Variants in PIP5K1A observed in about 807,000 individuals in gnomAD.
The protein encoded by PIP5K1A is phosphatidylinositol 4-phosphate 5-kinase type-1 alpha.
PIP5K1A carries 46 observed loss-of-function variants against 72.9 expected under a neutral mutation model. The observed-to-expected ratio is 0.63, with a 90% CI of 0.50 to 0.81. The LOEUF (loss-of-function observed/expected upper bound fraction) is 0.81, where lower values mean the gene tolerates loss of function less well. PIP5K1A is among the 30% of genes least tolerant of loss of function. The pLI is 0.00. For synonymous variants in PIP5K1A, 228 were observed against 255.1 expected (o/e 0.89, Z 1.01); for missense variants, 458 against 706.1 (o/e 0.65, Z 3.98).
rs758507757 is a variant in PIP5K1A, at chr1:151,199,100, G to A, written c.85+19G>A. On this transcript the variant is annotated intron_variant, in intron 1 of 15. Coordinates refer to ENST00000368888, the MANE Select transcript of PIP5K1A (RefSeq NM_001135638.2). ...TCCTCAGGTAAGCCCGGCAGGGCGT[G>A]GGTAGGGAGCTGGTGAGGAATATGC... The A allele has an allele frequency of 6.2e-7, 1 of 1,613,970 alleles. No individual in the cohort carries two copies. The highest frequency in any genetic ancestry group is 1.3e-5 in the African/African-American group (1 of 75,072).
chr1:151,238,409 G>C (rs777267549), intron 10 of PIP5K1A, 144 bp downstream of exon 10: 581 of 644,792 alleles, frequency 9.0e-4, no homozygotes, highest in Non-Finnish European at 1.3e-3. Context: ...TTAGTTTTCA[G>C]ATGGTTTATT....
chr1:151,236,992 TA>T (rs1690987341), intron 9 of PIP5K1A, among the ~76,000 whole-genome samples: 1 of 152,074 alleles, frequency 6.6e-6, no homozygotes, highest in Non-Finnish European at 1.5e-5. Flanking sequence ...CACACCCAGC[TA>T]ATTTTTTGTA....
intron 1 of PIP5K1A, among the ~76,000 whole-genome samples, chr1:151,221,240 T>A (rs1233035401): frequency 1.2e-4 from 19 of 152,172 alleles, no homozygotes; most frequent in Non-Finnish European, 2.4e-4. Context: ...TCTAAAAATA[T>A]ATCAGCATTG....
intron 7 of PIP5K1A, among the ~76,000 whole-genome samples, 193 bp from the exon 8 acceptor site, chr1:151,234,004 G>A (rs1690507254): frequency 6.6e-6 from 1 of 152,138 alleles, no homozygotes; most frequent in South Asian, 2.1e-4. Context: ...CTGTGGCACA[G>A]CTTGATGGTG....
intron 1 of PIP5K1A, among the ~76,000 whole-genome samples, chr1:151,218,927 A>G (rs1278183718): frequency 6.6e-6 from 1 of 151,532 alleles, no homozygotes; most frequent in East Asian, 1.9e-4. Flanking sequence ...TTTGCCTGTC[A>G]CTGCCTATGC....
intron 14 of PIP5K1A, among the ~76,000 whole-genome samples, chr1:151,243,682 CT>C (rs2101682308): frequency 6.6e-6 from 1 of 152,188 alleles, no homozygotes; most frequent in South Asian, 2.1e-4. Context: ...TACCTGAGTT[CT>C]TTTCTCAGGC....
intron 1 of PIP5K1A, among the ~76,000 whole-genome samples, chr1:151,210,933 C>T (rs1378621775): frequency 6.6e-6 from 1 of 152,112 alleles, no homozygotes; most frequent in African/African-American, 2.4e-5. Context: ...TTAAATTGGA[C>T]CTCAGGGATT....
At chr1:151,241,972 A>G in intron 12 of PIP5K1A, 151 bp from the exon 13 acceptor site, 1 of 721,656 alleles carries the variant, frequency 1.4e-6, no homozygotes, top group Non-Finnish European at 2.4e-6. Flanking sequence ...CTGAATAGTA[A>G]TTCATAGGCC....
At chr1:151,228,234 C>T (rs1689449754) in intron 4 of PIP5K1A, among the ~76,000 whole-genome samples, 1 of 152,056 alleles carries the variant, frequency 6.6e-6, no homozygotes, top group African/African-American at 2.4e-5. Flanking sequence ...CTATTGTAAC[C>T]TCCGACTCCT....
intron 14 of PIP5K1A, among the ~76,000 whole-genome samples, chr1:151,243,076 A>G (rs1691997256): frequency 6.6e-6 from 1 of 152,192 alleles, no homozygotes; most frequent in Admixed American, 6.5e-5. Context: ...CTTGTGCTAC[A>G]TTCTGTTCAC....
chr1:151,199,369 T>G (rs1427086865), intron 1 of PIP5K1A, among the ~76,000 whole-genome samples: 2 of 152,028 alleles, frequency 1.3e-5, no homozygotes, highest in African/African-American at 2.4e-5. Context: ...TCTCAGCACT[T>G]TGGGAGGCCT....
At chr1:151,210,677 C>T (rs188770493) in intron 1 of PIP5K1A, among the ~76,000 whole-genome samples, 5 of 152,234 alleles carry the variant, frequency 3.3e-5, no homozygotes, top group African/African-American at 1.2e-4. Flanking sequence ...CTCCCGTCTC[C>T]TGGGTTCAAG....
intron 3 of PIP5K1A, 24 bp from the exon 4 acceptor site, chr1:151,227,296 T>G: frequency 6.7e-7 from 1 of 1,494,138 alleles, no homozygotes; most frequent in Non-Finnish European, 9.3e-7. Context: ...GGGAATTGTA[T>G]TATAATCTTG....
chr1:151,237,977 G>A (rs1347421152), intron 9 of PIP5K1A, among the ~76,000 whole-genome samples: 1 of 152,154 alleles, frequency 6.6e-6, no homozygotes, highest in Admixed American at 6.6e-5. Flanking sequence ...ACATACTGTA[G>A]AGAGTTCCTG....
intron 12 of PIP5K1A, among the ~76,000 whole-genome samples, chr1:151,241,019 G>T (rs1691600737): frequency 6.6e-6 from 1 of 152,012 alleles, no homozygotes; most frequent in East Asian, 1.9e-4. Flanking sequence ...ACTAAAATTA[G>T]CCGGGTGGTG....
chr1:151,247,947 A>G lies in PIP5K1A; in HGVS notation c.*82A>G. The G allele has an allele frequency of 8.1e-7, 1 of 1,232,344 alleles. No homozygotes were observed. Among genetic ancestry groups the G allele is most frequent in the East Asian group, 2.3e-5 (1 of 43,196 alleles). The allele number at this position is 1,232,344 out of a possible 1,614,324, so 76.3% of individuals were successfully genotyped here. A position where few individuals can be genotyped will look rare whatever the true frequency, so the allele number is the denominator to read the frequency against. On this transcript the variant is annotated 3_prime_UTR_variant, in exon 16 of 16. Transcript: ENST00000368888. ...GTCAGCCCTTGCCCCAGCAATGCTG[A>G]ATTTTCTTCTACTTGGTCATCAAAA...
intron 1 of PIP5K1A, among the ~76,000 whole-genome samples, chr1:151,215,434 G>A (rs1461103299): frequency 1.3e-5 from 2 of 151,526 alleles, no homozygotes; most frequent in Non-Finnish European, 2.9e-5. Context: ...GGGTTCAAGC[G>A]ATTCTCCTGC....
At chr1:151,205,065 A>G (rs1685744881) in intron 1 of PIP5K1A, among the ~76,000 whole-genome samples, 1 of 152,236 alleles carries the variant, frequency 6.6e-6, no homozygotes, top group South Asian at 2.1e-4. Flanking sequence ...AGTGGAAACT[A>G]TAGCCTGTGA....
At position 151,249,293 on chromosome 1, in the gene PIP5K1A, T is replaced by A. The variant is rs1692889996; in HGVS notation, c.*1428T>A. The A allele has an allele frequency of 6.6e-6, 1 of 152,150 alleles. No homozygotes were observed. The highest frequency in any genetic ancestry group is 2.4e-5 in the African/African-American group (1 of 41,418). 9.4% of individuals were successfully genotyped at this position (152,150 alleles called of 1,614,324 possible). On this transcript the variant is annotated 3_prime_UTR_variant, in exon 16 of 16. Transcript: ENST00000368888. ...TTTACAAGAAGGAAAGAATTCTTGCTATTTTTTTTTCATAATTTACTATTT... is the reference window on the plus strand; with the variant it reads ...TTTACAAGAAGGAAAGAATTCTTGCAATTTTTTTTTCATAATTTACTATTT...
Sources: gnomAD v4.1 joint callset for allele counts (sites outside exome capture counted in the v4.1 genomes callset) on GRCh38, gnomAD v4.1.1 for gene constraint, MANE v1.5 for transcripts, NCBI Gene and HGNC (gene_info 2026-07-23, HGNC 2026-07-21) for gene names.